PLCXD3: variants seen among roughly 807,000 people sequenced by gnomAD.
PLCXD3 encodes the protein PI-PLC X domain-containing protein 3.
In PLCXD3, 19 loss-of-function variants were observed where a neutral mutation model predicts 25.5. The observed-to-expected ratio is 0.75, with a 90% CI of 0.52 to 1.09. PLCXD3 has a LOEUF of 1.09. Ranked by LOEUF, PLCXD3 falls within the 50% of genes least tolerant of loss-of-function variation. The pLI is 0.00. For synonymous variants in PLCXD3, 174 were observed against 137.6 expected, an observed-to-expected ratio of 1.26 and a Z score of -1.85; for missense variants, 411 against 388.1, an observed-to-expected ratio of 1.06 and a Z score of -0.50.
At chr5:41,335,493 G>A (rs1743952725) in intron 2 of PLCXD3, among the ~76,000 whole-genome samples, 1 of 152,084 alleles carries the variant, frequency 6.6e-6, no homozygotes, top group Non-Finnish European at 1.5e-5. Flanking sequence ...GTTTAGTATT[G>A]ACTACCTACT....
At chr5:41,435,772 A>G (rs1249433953) in intron 1 of PLCXD3, among the ~76,000 whole-genome samples, 1 of 152,242 alleles carries the variant, frequency 6.6e-6, no homozygotes, top group Non-Finnish European at 1.5e-5. Flanking sequence ...TGTTTAGAAA[A>G]TAAGATTTGT....
chr5:41,450,772 A>G (rs1243725108), intron 1 of PLCXD3, among the ~76,000 whole-genome samples: 3 of 152,098 alleles, frequency 2.0e-5, no homozygotes, highest in Non-Finnish European at 4.4e-5. Context: ...CATGATGTAT[A>G]TAGTGAGGGG....
intron 2 of PLCXD3, among the ~76,000 whole-genome samples, chr5:41,316,414 GACTCAGCATATTA>G (rs1275312394): frequency 6.6e-6 from 1 of 152,202 alleles, no homozygotes; most frequent in African/African-American, 2.4e-5. Context: ...TTGCAAGTAA[GACTCAGCATATTA>G]CTAGCTATGG....
rs1038518092 is a variant in PLCXD3 at position 41,307,790 on chromosome 5, C to G, written c.*5827G>C. 1 of 152,022 alleles carries G rather than the reference C, an allele frequency of 6.6e-6. No homozygotes were observed. Among genetic ancestry groups the G allele is most frequent in the Non-Finnish European group, 1.5e-5 (1 of 67,990 alleles). 9.4% of individuals were successfully genotyped at this position (152,022 alleles called of 1,614,324 possible). On this transcript the variant is annotated 3_prime_UTR_variant, in exon 3 of 3. Coordinates refer to ENST00000377801, the MANE Select transcript of PLCXD3 (RefSeq NM_001005473.3). ...ATGTGAATGGGGGAAATAATGAATTCGTTTGTTATCTCTCTGAAAGAAAAA... is the reference window on the plus strand; with the variant it reads ...ATGTGAATGGGGGAAATAATGAATTGGTTTGTTATCTCTCTGAAAGAAAAA...
In PLCXD3 at chr5:41,426,886, AATCT is replaced by A. The variant is rs771040426; in HGVS notation, c.104-44356_104-44353del. ...CTATATTTTGTGCTCATTTAATAATAATCTATCTAAATAGAGAATTCTAGAATGA... is the reference window on the plus strand; with the variant it reads ...CTATATTTTGTGCTCATTTAATAATAATCTAAATAGAGAATTCTAGAATGA... On this transcript the variant is annotated intron_variant, in intron 1 of 2. Transcript: ENST00000377801. Among the ~76,000 whole-genome samples the A allele has an allele frequency of 2.1e-4, 32 of 152,226 alleles. 1 individual carries two copies. The East Asian group carries it at 5.6e-3, about 27-fold the overall frequency.
chr5:41,502,011 T>G (rs1297498164), intron 1 of PLCXD3, among the ~76,000 whole-genome samples: 1 of 151,846 alleles, frequency 6.6e-6, no homozygotes, highest in African/African-American at 2.4e-5. Context: ...GGTAACAAAT[T>G]TTTTTTTGCA....
chr5:41,329,721 A>C (rs2150473308), intron 2 of PLCXD3, among the ~76,000 whole-genome samples: 1 of 151,466 alleles, frequency 6.6e-6, no homozygotes, highest in African/African-American at 2.4e-5. Flanking sequence ...ATGATAATGA[A>C]AGCAGTAATC....
At chr5:41,339,444 C>A (rs1273370365) in intron 2 of PLCXD3, among the ~76,000 whole-genome samples, 1 of 150,402 alleles carries the variant, frequency 6.6e-6, no homozygotes, top group Non-Finnish European at 1.5e-5. Flanking sequence ...ACAGAGAAAT[C>A]ATACTATTTT....
intron 2 of PLCXD3, among the ~76,000 whole-genome samples, chr5:41,317,301 C>T (rs927548819): frequency 6.6e-5 from 10 of 152,266 alleles, no homozygotes; most frequent in African/African-American, 2.4e-4. Flanking sequence ...CACAGCATTA[C>T]TGGTCTTGGG....
At chr5:41,436,715 A>G (rs1050227436) in intron 1 of PLCXD3, among the ~76,000 whole-genome samples, 1 of 152,242 alleles carries the variant, frequency 6.6e-6, no homozygotes, top group Non-Finnish European at 1.5e-5. Flanking sequence ...GGCCAAATCC[A>G]GAGCTTGAAG....
intron 1 of PLCXD3, among the ~76,000 whole-genome samples, chr5:41,473,035 T>G (rs757335788): frequency 1.2e-3 from 187 of 152,270 alleles, no homozygotes; most frequent in Non-Finnish European, 2.3e-3. Flanking sequence ...CTTAACATTT[T>G]ATATATTTTA....
intron 1 of PLCXD3, among the ~76,000 whole-genome samples, chr5:41,494,438 G>A (rs1314813396): frequency 6.6e-6 from 1 of 152,152 alleles, no homozygotes; most frequent in Non-Finnish European, 1.5e-5. Flanking sequence ...ACATTTTAGA[G>A]AAATATTCCA....
intron 1 of PLCXD3, among the ~76,000 whole-genome samples, chr5:41,395,269 T>C (rs1745967033): frequency 6.6e-6 from 1 of 152,040 alleles, no homozygotes; most frequent in Admixed American, 6.6e-5. Context: ...AAAAATTTGT[T>C]GAAACAAATG....
intron 1 of PLCXD3, among the ~76,000 whole-genome samples, chr5:41,466,444 A>G (rs1291759157): frequency 6.6e-6 from 1 of 152,102 alleles, no homozygotes; most frequent in Non-Finnish European, 1.5e-5. Context: ...AATTGTATTT[A>G]CTTATGAGAT....
chr5:41,347,123 G>C (rs189972583), intron 2 of PLCXD3, among the ~76,000 whole-genome samples: 1 of 152,220 alleles, frequency 6.6e-6, no homozygotes, highest in African/African-American at 2.4e-5. Context: ...TTCCCAACAG[G>C]AATGAATAAG....
intron 1 of PLCXD3, among the ~76,000 whole-genome samples, chr5:41,446,674 A>ATGTGG (rs1318883682): frequency 6.6e-6 from 1 of 152,106 alleles, no homozygotes; most frequent in Non-Finnish European, 1.5e-5. Context: ...CCATTCAGTC[A>ATGTGG]TGTGGTGAGC....
rs1743134028 is a variant in PLCXD3, at chr5:41,311,414, C to T, written c.*2203G>A. The T allele has an allele frequency of 1.3e-5, 2 of 152,090 alleles. No individual in the cohort carries two copies. The highest frequency in any genetic ancestry group is 1.3e-4 in the Admixed American group (2 of 15,268). 9.4% of individuals were successfully genotyped at this position (152,090 alleles called of 1,614,324 possible). A position where few individuals can be genotyped will look rare whatever the true frequency, so the allele number is the denominator to read the frequency against. ...TACTTTGATGTGATCATCTACTCTA[C>T]TTTCAAAGGTTTTATTACTCTTTTT... On this transcript the variant is annotated 3_prime_UTR_variant, in exon 3 of 3. Transcript: ENST00000377801.
chr5:41,430,163 T>A (rs763599668), intron 1 of PLCXD3, among the ~76,000 whole-genome samples: 4 of 152,194 alleles, frequency 2.6e-5, no homozygotes, highest in Non-Finnish European at 4.4e-5. Context: ...ATAGCACCTA[T>A]CCCACAGGGT....
chr5:41,445,662 T>C (rs1212126821), intron 1 of PLCXD3, among the ~76,000 whole-genome samples: 1 of 152,162 alleles, frequency 6.6e-6, no homozygotes, highest in Non-Finnish European at 1.5e-5. Flanking sequence ...AGAGAAAGTA[T>C]ATTTGAGAAA....
Sources: gnomAD v4.1 joint callset for allele counts (sites outside exome capture counted in the v4.1 genomes callset) on GRCh38, gnomAD v4.1.1 for gene constraint, MANE v1.5 for transcripts, NCBI Gene and HGNC (gene_info 2026-07-23, HGNC 2026-07-21) for gene names.